Variants in EBF3 observed in about 807,000 individuals in gnomAD.
EBF3 encodes transcription factor COE3.
In EBF3, 18 loss-of-function variants were observed where a neutral mutation model predicts 77.1. That is an observed-to-expected ratio of 0.23 (90% CI 0.16 to 0.35). The LOEUF (loss-of-function observed/expected upper bound fraction) is 0.35, where lower values mean the gene tolerates loss of function less well. Among genes scored for constraint, EBF3 ranks in the 10% least tolerant of loss-of-function variants. The pLI is 1.00. For missense variants in EBF3, 558 were observed against 860.0 expected, an observed-to-expected ratio of 0.65 and a Z score of 4.39; for synonymous variants, 350 against 343.5, an observed-to-expected ratio of 1.02 and a Z score of -0.21.
intron 10 of EBF3, among the ~76,000 whole-genome samples, chr10:129,865,398 C>A (rs766880461): frequency 1.3e-5 from 2 of 152,144 alleles, no homozygotes; most frequent in Non-Finnish European, 2.9e-5. Context: ...GAGGAGCAGC[C>A]CTCTCTCCAT....
intron 4 of EBF3, among the ~76,000 whole-genome samples, chr10:129,959,528 G>C (rs1301867476): frequency 2.6e-5 from 4 of 151,900 alleles, no homozygotes; most frequent in Admixed American, 2.6e-4. Context: ...TTTGCCAAGG[G>C]CCGAGGGCCG....
chr10:129,911,207 C>T (rs1003893788), intron 6 of EBF3, among the ~76,000 whole-genome samples: 9 of 152,336 alleles, frequency 5.9e-5, no homozygotes, highest in Admixed American at 5.2e-4. Context: ...TGGGCCAGGG[C>T]CAGACCAGGA....
chr10:129,919,070 C>T (rs1246856186), intron 6 of EBF3, among the ~76,000 whole-genome samples: 1 of 152,190 alleles, frequency 6.6e-6, no homozygotes, highest in Non-Finnish European at 1.5e-5. Context: ...CTGAGACTCT[C>T]TCTGTCCCCG....
At chr10:129,919,016 T>C (rs763537491) in intron 6 of EBF3, among the ~76,000 whole-genome samples, 38 of 152,120 alleles carry the variant, frequency 2.5e-4, no homozygotes, top group Non-Finnish European at 4.6e-4. Flanking sequence ...CACCCGCCCA[T>C]GGAAGCCCAG....
chr10:129,900,390 T>C (rs952748899), intron 6 of EBF3, among the ~76,000 whole-genome samples: 1 of 136,898 alleles, frequency 7.3e-6, no homozygotes, highest in Non-Finnish European at 1.6e-5. Flanking sequence ...AGAGCAAGGA[T>C]GGGGGGTAGG....
intron 10 of EBF3, among the ~76,000 whole-genome samples, chr10:129,862,405 A>G (rs1851704283): frequency 1.3e-5 from 2 of 152,204 alleles, no homozygotes; most frequent in Non-Finnish European, 2.9e-5. Flanking sequence ...TATCTTGTTT[A>G]GTAACTGGGT....
At position 129,861,167 on chromosome 10, in the gene EBF3, A is replaced by G. The variant is rs534706775; in HGVS notation, c.1039+5974T>C. On this transcript the variant is annotated intron_variant, in intron 10 of 16. Transcript: ENST00000440978. This position sits in a 1 kb window ranked among gnomAD's most constrained non-coding sequence, Gnocchi z 4.3. ...ATGGTTTGGGTTGATGCTGTGCCGT[A>G]GCAGTGGGGAGGACAGCGGTGGGAG... Among the ~76,000 whole-genome samples the G allele has an allele frequency of 7.2e-5, 11 of 152,292 alleles. No individual in the cohort carries two copies. The South Asian group carries it at 2.3e-3, about 32-fold the overall frequency.
intron 10 of EBF3, among the ~76,000 whole-genome samples, chr10:129,860,259 C>T (rs1384364076): frequency 6.6e-6 from 1 of 152,000 alleles, no homozygotes; most frequent in Non-Finnish European, 1.5e-5. Flanking sequence ...CTCCTCCCTG[C>T]AGCACCGAGA....
At position 129,962,966 on chromosome 10, in the gene EBF3, T is replaced by G; in HGVS notation, c.331A>C (p.Lys111Gln). 5.6e-6 allele frequency: 9 copies of G among 1,614,110 alleles called. No individual in the cohort carries two copies. Among genetic ancestry groups the G allele is most frequent in the African/African-American group, 2.7e-5 (2 of 75,034 alleles). ...CCGTTGCTGTACAATAACTGGAGTTTATAGTGGATGCCGTTGTTGGTTTTC... is the reference window on the plus strand; with the variant it reads ...CCGTTGCTGTACAATAACTGGAGTTGATAGTGGATGCCGTTGTTGGTTTTC... ...NEKTNNGIHYKLQLLYSNGVR... is the reference protein window; with the variant it reads ...NEKTNNGIHYQLQLLYSNGVR... The change falls in exon 3 of 17, where the codon AAA becomes CAA. Residue 111 changes from lysine (K) to glutamine (Q), a missense_variant. Lys to Gln is a moderately conservative substitution (Grantham distance 53, BLOSUM62 1). Around this residue, in one of 5 missense-constraint regions of EBF3, gnomAD observed 84 missense variants for 142.3 expected, o/e 0.59. Coordinates refer to ENST00000440978, the MANE Select transcript of EBF3 (RefSeq NM_001375380.1).
In EBF3 at chr10:129,947,542, C is replaced by T. The variant is rs1388318206; in HGVS notation, c.554+9716G>A. Among the ~76,000 whole-genome samples, 1 of 152,112 alleles carries T rather than the reference C, an allele frequency of 6.6e-6. No individual in the cohort carries two copies. The highest frequency in any genetic ancestry group is 1.9e-4 in the East Asian group (1 of 5,196). ...TAATTTAATCATTTTCCTTTTATGG[C>T]CTATACTATTTACATATTCCAAAAT... On this transcript the variant is annotated intron_variant, in intron 6 of 16. Transcript: ENST00000440978. This position sits in a 1 kb window ranked among gnomAD's most constrained non-coding sequence, Gnocchi z 4.5.
chr10:129,854,122 CA>C (rs1407432154), intron 10 of EBF3, among the ~76,000 whole-genome samples: 2 of 151,946 alleles, frequency 1.3e-5, no homozygotes, highest in African/African-American at 4.8e-5. Context: ...AAACATTACA[CA>C]AAGTCTGCAA....
intron 6 of EBF3, among the ~76,000 whole-genome samples, chr10:129,882,980 T>A (rs1004940123): frequency 2.6e-5 from 4 of 152,230 alleles, no homozygotes; most frequent in African/African-American, 7.2e-5. Flanking sequence ...AGAAATGCAG[T>A]GGGCTTGGCG....
chr10:129,850,415 G>A (rs1317068051), intron 10 of EBF3, among the ~76,000 whole-genome samples: 2 of 152,208 alleles, frequency 1.3e-5, no homozygotes, highest in Non-Finnish European at 2.9e-5. Context: ...TGAAAGCAGG[G>A]TAAGTACATG....
chr10:129,932,951 T>C (rs1857125272), intron 6 of EBF3, among the ~76,000 whole-genome samples: 1 of 146,910 alleles, frequency 6.8e-6, no homozygotes, highest in African/African-American at 2.5e-5. Context: ...GGGGCTGGGA[T>C]GCATTTCACT....
intron 4 of EBF3, among the ~76,000 whole-genome samples, chr10:129,961,060 G>C (rs1859478152): frequency 6.6e-6 from 1 of 152,130 alleles, no homozygotes; most frequent in Non-Finnish European, 1.5e-5. Flanking sequence ...TTGCTACCTA[G>C]GTAAGGACAA....
intron 11 of EBF3, among the ~76,000 whole-genome samples, chr10:129,846,817 T>G (rs371633791): frequency 6.6e-6 from 1 of 152,074 alleles, no homozygotes; most frequent in Non-Finnish European, 1.5e-5. Flanking sequence ...TTAAAAGAGC[T>G]AAGTAATATG....
chr10:129,882,918 T>C (rs1160953954), intron 6 of EBF3, among the ~76,000 whole-genome samples: 3 of 152,216 alleles, frequency 2.0e-5, no homozygotes, highest in East Asian at 1.9e-4. Context: ...CCACTAATCA[T>C]GCAATGATGA....
intron 6 of EBF3, among the ~76,000 whole-genome samples, chr10:129,926,867 A>C (rs1856712848): frequency 6.6e-6 from 1 of 152,272 alleles, no homozygotes; most frequent in Non-Finnish European, 1.5e-5. Flanking sequence ...TGGAGGCTTC[A>C]GGTGTGCTCA....
At chr10:129,946,664 G>A (rs1307937400) in intron 6 of EBF3, among the ~76,000 whole-genome samples, 15 of 152,166 alleles carry the variant, frequency 9.9e-5, no homozygotes, top group Non-Finnish European at 1.6e-4. Context: ...GAGGCCATGC[G>A]TCCCAGGCAA....
Sources: allele counts gnomAD v4.1 joint callset (sites outside exome capture counted in the v4.1 genomes callset), GRCh38; gene constraint gnomAD v4.1.1; regional missense constraint gnomAD v4.1.1; non-coding constraint Gnocchi (gnomAD v3.1); transcripts MANE v1.5; gene names NCBI Gene and HGNC (gene_info 2026-07-23, HGNC 2026-07-21).